MACROD2: variants seen among roughly 807,000 people sequenced by gnomAD.
MACROD2 encodes the protein ADP-ribose glycohydrolase MACROD2.
Under a neutral mutation model 70.4 loss-of-function variants are expected in MACROD2, and 36 were observed. The observed-to-expected ratio is 0.51, with a 90% CI of 0.39 to 0.68. The LOEUF is 0.68. Ranked by LOEUF, MACROD2 falls within the 30% of genes least tolerant of loss-of-function variation. MACROD2 has a pLI of 0.00. For missense variants in MACROD2, 496 were observed against 538.4 expected (o/e 0.92, Z 0.78); for synonymous variants, 172 against 178.8 (o/e 0.96, Z 0.30).
intron 3 of MACROD2, among the ~76,000 whole-genome samples, chr20:14,493,024 C>A (rs1215783273): frequency 2.0e-5 from 3 of 151,958 alleles, no homozygotes; most frequent in Non-Finnish European, 4.4e-5. Flanking sequence ...AGAGTTATTT[C>A]TTACTGCAAA....
At chr20:15,755,469 A>G (rs1219215682) in intron 8 of MACROD2, among the ~76,000 whole-genome samples, 1 of 152,210 alleles carries the variant, frequency 6.6e-6, no homozygotes, top group East Asian at 1.9e-4. Flanking sequence ...TTTACATTTC[A>G]GATTATGTTA....
intron 3 of MACROD2, among the ~76,000 whole-genome samples, chr20:14,101,993 CTTTTTTTTTTTTTTTTT>C (rs66890047): frequency 8.0e-5 from 2 of 25,028 alleles, no homozygotes; most frequent in Non-Finnish European, 1.4e-4. Flanking sequence ...TTTAATGAGT[CTTTTTTTTTTTTTTTTT>C]TTTTTTTTTT....
chr20:14,945,125 C>CT (rs1030672938), intron 5 of MACROD2, among the ~76,000 whole-genome samples: 74 of 146,290 alleles, frequency 5.1e-4, no homozygotes, highest in African/African-American at 1.7e-3. Flanking sequence ...TTTTTTTTTT[C>CT]TTTTTTTTGG....
intron 5 of MACROD2, among the ~76,000 whole-genome samples, chr20:15,143,395 G>A (rs2076206923): frequency 6.6e-6 from 1 of 152,086 alleles, no homozygotes; most frequent in African/African-American, 2.4e-5. Flanking sequence ...TAAGTTCTTT[G>A]TAGATTCTGG....
chr20:14,879,094 T>TG (rs1380865297), intron 5 of MACROD2, among the ~76,000 whole-genome samples: 3 of 152,158 alleles, frequency 2.0e-5, no homozygotes, highest in African/African-American at 7.2e-5. Context: ...AAATGGACTG[T>TG]GAGCTCCGTA....
intron 5 of MACROD2, among the ~76,000 whole-genome samples, chr20:14,973,032 C>T (rs1043717321): frequency 2.0e-5 from 3 of 152,072 alleles, no homozygotes; most frequent in Admixed American, 6.6e-5. Context: ...TTATTTGTTT[C>T]TACATCCTAG....
At chr20:15,119,709 GT>G (rs2076017139) in intron 5 of MACROD2, among the ~76,000 whole-genome samples, 2 of 152,180 alleles carry the variant, frequency 1.3e-5, no homozygotes, top group South Asian at 2.1e-4. Context: ...TAAATGACAT[GT>G]TCTGATATGT....
chr20:14,887,509 C>T (rs576939182), intron 5 of MACROD2, among the ~76,000 whole-genome samples: 1 of 151,734 alleles, frequency 6.6e-6, no homozygotes, highest in South Asian at 2.1e-4. Flanking sequence ...CCTCCTGCCT[C>T]AGCCTCCTGG....
At chr20:15,940,100 T>G (rs2065728653) in intron 12 of MACROD2, among the ~76,000 whole-genome samples, 1 of 152,134 alleles carries the variant, frequency 6.6e-6, no homozygotes, top group Non-Finnish European at 1.5e-5. Flanking sequence ...TTCAATTTTT[T>G]GTTTGTTTTT....
intron 5 of MACROD2, among the ~76,000 whole-genome samples, chr20:15,094,653 A>G (rs913834631): frequency 6.6e-6 from 1 of 152,170 alleles, no homozygotes; most frequent in Non-Finnish European, 1.5e-5. Flanking sequence ...AGGACAAGAA[A>G]CAAAAGCCTC....
intron 3 of MACROD2, among the ~76,000 whole-genome samples, chr20:14,346,927 G>C (rs1390595968): frequency 6.6e-6 from 1 of 152,132 alleles, no homozygotes; most frequent in African/African-American, 2.4e-5. Context: ...TCCCAAGTTG[G>C]TCTGTCCACT....
chr20:14,640,860 T>C (rs1985052192), intron 4 of MACROD2, among the ~76,000 whole-genome samples: 1 of 152,222 alleles, frequency 6.6e-6, no homozygotes, highest in African/African-American at 2.4e-5. Flanking sequence ...AGGTGGAGGC[T>C]CTTGCCTCAG....
rs533990056 is a variant in MACROD2, at chr20:15,098,987, A to G, written c.419-130953A>G. Among the ~76,000 whole-genome samples the G allele has an allele frequency of 2.6e-5, 4 of 152,342 alleles. No individual in the cohort carries two copies. In the East Asian group the frequency reaches 7.7e-4, roughly 29 times the overall value. ...TTACAAGTTTGCCAGCAGTAAGCCT[A>G]TGAATTAGTTAATGGTTTTGGCTGA... On this transcript the variant is annotated intron_variant, in intron 5 of 17. Transcript: ENST00000684519.
intron 5 of MACROD2, among the ~76,000 whole-genome samples, chr20:15,226,511 C>T (rs1421011159): frequency 6.6e-6 from 1 of 152,142 alleles, no homozygotes; most frequent in Non-Finnish European, 1.5e-5. Flanking sequence ...TATATGTCCA[C>T]TATGAAGATG....
At chr20:15,292,294 T>TA (rs997471457) in intron 6 of MACROD2, among the ~76,000 whole-genome samples, 14 of 151,876 alleles carry the variant, frequency 9.2e-5, no homozygotes, top group Non-Finnish European at 1.6e-4. Context: ...ATCTAATCTA[T>TA]AAAAAAAAGG....
At chr20:15,814,477 G>T (rs2063852582) in intron 8 of MACROD2, among the ~76,000 whole-genome samples, 1 of 152,144 alleles carries the variant, frequency 6.6e-6, no homozygotes, top group Non-Finnish European at 1.5e-5. Context: ...GTGACCCATT[G>T]TAGTAGCTGG....
chr20:15,537,418 A>G (rs951999502), intron 8 of MACROD2, among the ~76,000 whole-genome samples: 3 of 147,090 alleles, frequency 2.0e-5, no homozygotes, highest in Admixed American at 2.0e-4. Flanking sequence ...GCACATGTTG[A>G]TTAGTCACCA....
At chr20:14,658,794 AG>A (rs1986094650) in intron 4 of MACROD2, among the ~76,000 whole-genome samples, 2 of 152,086 alleles carry the variant, frequency 1.3e-5, no homozygotes, top group African/African-American at 2.4e-5. Context: ...TTTGTATTTT[AG>A]TAGAGATGGT....
At chr20:15,397,272 CTTTTTCTTTTTCT>C (rs1414911689) in intron 6 of MACROD2, among the ~76,000 whole-genome samples, 1 of 151,972 alleles carries the variant, frequency 6.6e-6, no homozygotes, top group Non-Finnish European at 1.5e-5. Context: ...TAGCTTCTTG[CTTTTTCTTTTTCT>C]TTTTTCTTTT....
Sources: gnomAD v4.1 joint callset for allele counts (sites outside exome capture counted in the v4.1 genomes callset) on GRCh38, gnomAD v4.1.1 for gene constraint, MANE v1.5 for transcripts, NCBI Gene and HGNC (gene_info 2026-07-23, HGNC 2026-07-21) for gene names.